The following TSN variants were observed in gnomAD, a reference collection of about 807,000 sequenced individuals.
The protein encoded by TSN is component 3 of promoter of RISC.
Under a neutral mutation model 29.4 loss-of-function variants are expected in TSN, and 5 were observed. That is an observed-to-expected ratio of 0.17 (90% confidence interval 0.09 to 0.36). TSN has a LOEUF of 0.36. TSN is among the 10% of genes least tolerant of loss of function. The probability of loss-of-function intolerance (pLI) is 1.00; values close to 1 mark genes in which losing one functional copy is unlikely to be tolerated. For missense variants in TSN, 159 were observed against 272.8 expected, an observed-to-expected ratio of 0.58 and a Z score of 2.94; for synonymous variants, 106 against 102.2, an observed-to-expected ratio of 1.04 and a Z score of -0.23.
chr2:121,755,990 C>T, intron 1 of TSN, 145 bp downstream of exon 1: 1 of 1,459,066 alleles, frequency 6.9e-7, no homozygotes. Flanking sequence ...GTTAGGCACT[C>T]CCCGCCCCCG....
Position 121,765,493 on chromosome 2 carries a change from TGTGGTGTGAGTATCAGA to T in TSN, c.*127_*143del. ...ACTGCGCTTTATTTTCTTAACCAGT[TGTGGTGTGAGTATCAGA>T]ATTGAAACACTTTTTTGGGGGTAAA... On this transcript the variant is annotated 3_prime_UTR_variant, in exon 6 of 6. Transcript: ENST00000389682. The T allele has an allele frequency of 1.2e-6, 1 of 864,918 alleles. No individual in the cohort carries two copies. The highest frequency in any genetic ancestry group is 1.7e-5 in the South Asian group (1 of 58,794). The allele number at this position is 864,918 out of a possible 1,614,324, so 53.6% of individuals were successfully genotyped here.
At chr2:121,756,028 T>A in intron 1 of TSN, 183 bp downstream of exon 1, 1 of 1,281,542 alleles carries the variant, frequency 7.8e-7, no homozygotes, top group Non-Finnish European at 1.0e-6. Flanking sequence ...CTGTCCTGAT[T>A]CCCCGTGTTC....
Position 121,761,460 on chromosome 2 carries a change from A to T in TSN, c.309A>T (p.Ala103=), listed in dbSNP as rs774905849. 3.7e-6 allele frequency: 6 copies of T among 1,614,032 alleles called. No homozygotes were observed. In the African/African-American group the frequency reaches 8.0e-5, roughly 22 times the overall value. Residue 103 remains alanine (A), a synonymous_variant, in exon 4 of 6, where the codon GCA becomes GCT. Coordinates refer to ENST00000389682, the MANE Select transcript of TSN (RefSeq NM_004622.3). ...FVLQRLVFLA[A]FVVYLETETL... ...TGCAGCGCTTGGTCTTCTTGGCAGCATTTGTTGTGTATTTGGAAACAGAAA... is the reference window on the plus strand; with the variant it reads ...TGCAGCGCTTGGTCTTCTTGGCAGCTTTTGTTGTGTATTTGGAAACAGAAA...
In TSN at chr2:121,756,186, A is replaced by G. The variant is rs189141758; in HGVS notation, c.66+341A>G. ...TGTTGGTGTCTTAAAAGCACATGTG[A>G]TCTGCTTAAAACTCTCCTGTGATTT... On this transcript the variant is annotated intron_variant, in intron 1 of 5. Transcript: ENST00000389682. 2.4e-5 allele frequency: 9 copies of G among 370,660 alleles called. No homozygotes were observed. In the East Asian group the frequency reaches 4.1e-4, roughly 17 times the overall value. The allele number at this position is 370,660 out of a possible 1,614,324, so 23.0% of individuals were successfully genotyped here. A position where few individuals can be genotyped will look rare whatever the true frequency, so the allele number is the denominator to read the frequency against.
intron 3 of TSN, among the ~76,000 whole-genome samples, chr2:121,759,823 G>C (rs568668205): frequency 6.6e-6 from 1 of 152,304 alleles, no homozygotes; most frequent in South Asian, 2.1e-4. Flanking sequence ...TCTTTTAAGG[G>C]AGAGGTTGAC....
chr2:121,763,847 G>A (rs1414596827), intron 5 of TSN, among the ~76,000 whole-genome samples: 1 of 152,224 alleles, frequency 6.6e-6, no homozygotes, highest in East Asian at 1.9e-4. Flanking sequence ...CCAGTCTGCA[G>A]AGGTGAAAAT....
At chr2:121,756,094 A>G (rs965733829) in intron 1 of TSN, 2 of 734,126 alleles carry the variant, frequency 2.7e-6, no homozygotes, top group Non-Finnish European at 4.2e-6. Flanking sequence ...CCTTCTTTTC[A>G]GCACTTGTTT....
intron 5 of TSN, 41 bp from the exon 6 acceptor site, chr2:121,765,093 C>T: frequency 6.3e-7 from 1 of 1,586,128 alleles, no homozygotes; most frequent in Non-Finnish European, 8.7e-7. Context: ...TGAGAAGGAG[C>T]CATGTTGTAA....
At chr2:121,756,682 A>C in intron 1 of TSN, 1 of 1,275,590 alleles carries the variant, frequency 7.8e-7, no homozygotes, top group Non-Finnish European at 1.0e-6. Context: ...AGGCGGCCAG[A>C]TCACCTGAGG....
chr2:121,756,730 C>T (rs2074754622), intron 1 of TSN: 1 of 686,776 alleles, frequency 1.5e-6, no homozygotes, highest in Admixed American at 3.7e-5. Flanking sequence ...CATGGGGAAA[C>T]CCTGTCTCTA....
chr2:121,757,458 G>T (rs2074766751), intron 2 of TSN, 125 bp downstream of exon 2: 1 of 1,538,746 alleles, frequency 6.5e-7, no homozygotes, highest in Non-Finnish European at 8.8e-7. Context: ...GAAGAAGTAG[G>T]TGATTTGATA....
At chr2:121,756,554 G>T (rs2074751155) in intron 1 of TSN, 2 of 1,005,556 alleles carry the variant, frequency 2.0e-6, no homozygotes, top group African/African-American at 1.7e-5. Context: ...TTGTGTGCTT[G>T]GTTCCCCGGT....
At chr2:121,761,573 CT>C in intron 4 of TSN, 49 bp downstream of exon 4, 1 of 1,414,430 alleles carries the variant, frequency 7.1e-7, no homozygotes. Flanking sequence ...TGGTTGCTTA[CT>C]TTTTGGTGGA....
At chr2:121,764,168 A>T (rs2074872766) in intron 5 of TSN, among the ~76,000 whole-genome samples, 1 of 152,182 alleles carries the variant, frequency 6.6e-6, no homozygotes, top group Non-Finnish European at 1.5e-5. Flanking sequence ...GTATGTGTGC[A>T]TTGAAAACCT....
Position 121,755,707 on chromosome 2 carries a change from G to C in TSN, c.-73G>C. The stretch of plus-strand genomic sequence containing the variant: ...GTAGCGGCGGCCGTTGCGATTGATT[G>C]CGCTGGTTGCCTGCGGCGTCCACTT... On this transcript the variant is annotated 5_prime_UTR_variant, in exon 1 of 6. Transcript: ENST00000389682. 1.9e-6 allele frequency: 3 copies of C among 1,589,338 alleles called. No individual in the cohort carries two copies. Among genetic ancestry groups the C allele is most frequent in the South Asian group, 1.1e-5 (1 of 90,674 alleles).
intron 5 of TSN, among the ~76,000 whole-genome samples, chr2:121,764,602 G>C (rs1222256379): frequency 6.6e-6 from 1 of 151,754 alleles, no homozygotes; most frequent in Non-Finnish European, 1.5e-5. Context: ...GTTGTATACT[G>C]ACACCGAGAA....
In TSN at chr2:121,758,745, G is replaced by A; in HGVS notation, c.196G>A (p.Gly66Ser). 6.3e-7 allele frequency: 1 copy of A among 1,585,756 alleles called. No individual in the cohort carries two copies. The highest frequency in any genetic ancestry group is 8.6e-7 in the Non-Finnish European group (1 of 1,168,030). Reference sequence around the variant, plus strand: ...GTGTTTGAAAGCTCGAGAACATTTTGGTACAGTAAAAACACATCTAACATC... The same window carrying A: ...GTGTTTGAAAGCTCGAGAACATTTTAGTACAGTAAAAACACATCTAACATC... ...KRCLKAREHF[G>S]TVKTHLTSLK... Residue 66 changes from glycine to serine, a missense_variant, in exon 3 of 6, where the codon GGT (glycine) becomes AGT (serine). Gly to Ser is a moderately conservative substitution (Grantham distance 56). Around this residue, in one of 3 missense-constraint regions of TSN, gnomAD observed 31 missense variants for 26.1 expected, o/e 1.19. Transcript: ENST00000389682.
intron 1 of TSN, chr2:121,756,630 A>G (rs1048490601): frequency 1.5e-6 from 2 of 1,296,826 alleles, no homozygotes; most frequent in Non-Finnish European, 2.0e-6. Context: ...AGAGGCGGGG[A>G]GCGGCGCCTC....
At chr2:121,762,785 T>C (rs2074850043) in intron 4 of TSN, among the ~76,000 whole-genome samples, 1 of 152,230 alleles carries the variant, frequency 6.6e-6, no homozygotes, top group Admixed American at 6.5e-5. Flanking sequence ...AGATACTGTT[T>C]TTGATAGTAT....
Sources: gnomAD v4.1 joint callset for allele counts (sites outside exome capture counted in the v4.1 genomes callset) on GRCh38, gnomAD v4.1.1 for gene constraint, gnomAD v4.1.1 regional missense constraint, MANE v1.5 for transcripts, NCBI Gene and HGNC (gene_info 2026-07-23, HGNC 2026-07-21) for gene names.